Variants in SFSWAP observed in about 807,000 individuals in gnomAD.
SFSWAP encodes splicing factor SWAP, also known as splicing factor, suppressor of white-apricot homolog.
SFSWAP carries 17 observed loss-of-function variants against 100.7 expected under a neutral mutation model. The observed-to-expected ratio is 0.17, with a 90% CI of 0.12 to 0.25. The LOEUF (loss-of-function observed/expected upper bound fraction) is 0.25, where lower values mean the gene tolerates loss of function less well. Ranked by LOEUF, SFSWAP falls within the 10% of genes least tolerant of loss-of-function variation. SFSWAP has a pLI of 1.00. For synonymous variants in SFSWAP, 504 were observed against 510.1 expected (o/e 0.99, Z 0.16); for missense variants, 1,005 against 1,262.6 (o/e 0.80, Z 3.09).
intron 13 of SFSWAP, 74 bp downstream of exon 13, chr12:131,766,382 A>C (rs1488105499): frequency 7.3e-6 from 10 of 1,370,216 alleles, no homozygotes; most frequent in Non-Finnish European, 9.2e-6. Context: ...GTCTCCCTCC[A>C]GCTGCCCTAG....
chr12:131,785,123 C>A, intron 14 of SFSWAP: 1 of 1,535,706 alleles, frequency 6.5e-7, no homozygotes, highest in Non-Finnish European at 8.7e-7. Flanking sequence ...CAGAGCAGCG[C>A]GTCAGTGACA....
Position 131,753,503 on chromosome 12 carries a change from T to A in SFSWAP, c.1322+140T>A, listed in dbSNP as rs1192389320. On this transcript the variant is annotated intron_variant, in intron 8 of 17. Transcript: ENST00000261674. ...TTGTCTGAGTAGTTATTATTCCAAA[T>A]CCCCAAGTTACAAAGTTGACAGGAA... is the stretch of plus-strand genomic sequence containing the variant. 4 of 1,137,586 alleles carry A rather than the reference T, an allele frequency of 3.5e-6. No homozygotes were observed. The African/African-American group carries it at 4.7e-5, about 13-fold the overall frequency. The allele number at this position is 1,137,586 out of a possible 1,614,324, so 70.5% of individuals were successfully genotyped here. A position where few individuals can be genotyped will look rare whatever the true frequency, so the allele number is the denominator to read the frequency against.
At chr12:131,784,974 G>A (rs957571251) in intron 14 of SFSWAP, 145 of 943,598 alleles carry the variant, frequency 1.5e-4, no homozygotes, top group Non-Finnish European at 1.1e-4. Flanking sequence ...TTCCCCAGCC[G>A]CTATAGCTTT....
intron 14 of SFSWAP, among the ~76,000 whole-genome samples, chr12:131,780,312 G>C (rs953746727): frequency 6.6e-6 from 1 of 152,026 alleles, no homozygotes; most frequent in Non-Finnish European, 1.5e-5. Flanking sequence ...TTCAATTTTT[G>C]AAGGCTCCCA....
At chr12:131,745,539 C>A (rs1279894957) in intron 7 of SFSWAP, among the ~76,000 whole-genome samples, 1 of 152,190 alleles carries the variant, frequency 6.6e-6, no homozygotes, top group Non-Finnish European at 1.5e-5. Flanking sequence ...GTAATAAAAA[C>A]AATTATTCTT....
intron 15 of SFSWAP, chr12:131,796,640 G>A: frequency 6.6e-6 from 1 of 152,626 alleles, no homozygotes. Flanking sequence ...GGAAGAAGCA[G>A]CACCAGAAGC....
intron 12 of SFSWAP, 77 bp from the exon 13 acceptor site, chr12:131,766,041 T>C (rs1159647996): frequency 1.4e-6 from 2 of 1,440,978 alleles, no homozygotes; most frequent in African/African-American, 2.8e-5. Context: ...ATGACACTTT[T>C]GCAACCTGTG....
chr12:131,793,007 T>C (rs1885383067), intron 15 of SFSWAP, among the ~76,000 whole-genome samples: 1 of 151,380 alleles, frequency 6.6e-6, no homozygotes, highest in Non-Finnish European at 1.5e-5. Context: ...GAATAGAAAG[T>C]ACAGAAAAAA....
At position 131,778,718 on chromosome 12, in the gene SFSWAP, G is replaced by A. The variant is rs188507502; in HGVS notation, c.2408+388G>A. Among the ~76,000 whole-genome samples, 15 of 152,092 alleles carry A rather than the reference G, an allele frequency of 9.9e-5. No homozygotes were observed. Among genetic ancestry groups the A allele is most frequent in the African/African-American group, 1.7e-4 (7 of 41,484 alleles). ...TTTTTAGTAGAGACGGGGTTTCACC[G>A]TGTCGGCCAGGCTGGTCTTAAACTC... On this transcript the variant is annotated intron_variant, in intron 14 of 17. Transcript: ENST00000261674. This position sits in a 1 kb window ranked among gnomAD's most constrained non-coding sequence, Gnocchi z 4.2.
chr12:131,747,103 C>CAAAAAAA (rs398021689), intron 7 of SFSWAP, among the ~76,000 whole-genome samples: 4 of 96,914 alleles, frequency 4.1e-5, no homozygotes, highest in Middle Eastern at 5.5e-3. Flanking sequence ...GACTCTGTCT[C>CAAAAAAA]AAAAAAAAAA....
intron 7 of SFSWAP, among the ~76,000 whole-genome samples, chr12:131,739,536 CTTTTTTTTT>C (rs777610140): frequency 1.3e-4 from 8 of 60,880 alleles, no homozygotes; most frequent in South Asian, 7.5e-4. Context: ...TCCCCAGTTG[CTTTTTTTTT>C]TTTTTTTTTT....
intron 3 of SFSWAP, among the ~76,000 whole-genome samples, chr12:131,718,165 A>C (rs1878112358): frequency 6.6e-6 from 1 of 152,224 alleles, no homozygotes; most frequent in South Asian, 2.1e-4. Flanking sequence ...ATCAGACTGG[A>C]ATACCCAAGT....
intron 11 of SFSWAP, among the ~76,000 whole-genome samples, chr12:131,758,632 AATCAGACAT>A (rs1287421333): frequency 6.6e-6 from 1 of 152,268 alleles, no homozygotes; most frequent in Non-Finnish European, 1.5e-5. Context: ...TGCTACTGGT[AATCAGACAT>A]GGAAAAGATT....
At chr12:131,785,258 G>C (rs1483534196) in intron 14 of SFSWAP, 2 of 1,505,368 alleles carry the variant, frequency 1.3e-6, no homozygotes, top group Admixed American at 4.1e-5. Context: ...TTTATCATCT[G>C]TTCTGTAAAT....
chr12:131,752,994 C>T (rs1881792493), intron 7 of SFSWAP, 129 bp from the exon 8 acceptor site: 2 of 1,366,728 alleles, frequency 1.5e-6, no homozygotes, highest in African/African-American at 2.9e-5. Context: ...ATCTAGAAAA[C>T]AGCATGGTTG....
chr12:131,736,310 C>A (rs1414527039), intron 7 of SFSWAP, among the ~76,000 whole-genome samples: 2 of 152,060 alleles, frequency 1.3e-5, no homozygotes, highest in Non-Finnish European at 2.9e-5. Context: ...ATGTAAATGC[C>A]AGTTGTGGAA....
At chr12:131,747,715 T>C (rs549334774) in intron 7 of SFSWAP, among the ~76,000 whole-genome samples, 23 of 152,138 alleles carry the variant, frequency 1.5e-4, no homozygotes, top group Non-Finnish European at 2.6e-4. Flanking sequence ...ATGAGGGGTG[T>C]GGCCACCTCC....
At chr12:131,720,236 G>GT (rs1878341348) in intron 4 of SFSWAP, among the ~76,000 whole-genome samples, 1 of 152,152 alleles carries the variant, frequency 6.6e-6, no homozygotes, top group Non-Finnish European at 1.5e-5. Context: ...GTGCTAAGCT[G>GT]TTTTTTACAT....
In SFSWAP at chr12:131,714,681, A is replaced by G; in HGVS notation, c.389-141A>G. The G allele has an allele frequency of 5.5e-6, 4 of 733,782 alleles. No individual in the cohort carries two copies. In the South Asian group the frequency reaches 7.7e-5, roughly 14 times the overall value. 45.5% of individuals were successfully genotyped at this position (733,782 alleles called of 1,614,324 possible). On this transcript the variant is annotated intron_variant, in intron 2 of 17. Coordinates refer to ENST00000261674, the MANE Select transcript of SFSWAP (RefSeq NM_004592.4). The surrounding 1 kb of genome is among the most constrained non-coding windows in gnomAD (Gnocchi z 6.0). The stretch of plus-strand genomic sequence containing the variant: ...ACATAATGATAGATATAAAGTGTGA[A>G]TTTTTAAAACTATTTTACCTCAAAA...
Sources: allele counts gnomAD v4.1 joint callset (sites outside exome capture counted in the v4.1 genomes callset), GRCh38; gene constraint gnomAD v4.1.1; non-coding constraint Gnocchi (gnomAD v3.1); transcripts MANE v1.5; gene names NCBI Gene and HGNC (gene_info 2026-07-23, HGNC 2026-07-21).